DPP6: variants seen among roughly 807,000 people sequenced by gnomAD.
DPP6 encodes A-type potassium channel modulatory protein DPP6.
A neutral mutation model predicts 122.6 loss-of-function variants in DPP6; 69 were observed. The ratio of observed to expected loss-of-function variants is 0.56; its 90% CI spans 0.46 to 0.69. The LOEUF is 0.69. Among genes scored for constraint, DPP6 ranks in the 30% least tolerant of loss-of-function variants. DPP6 has a pLI of 0.00. For synonymous variants in DPP6, 418 were observed against 433.1 expected (o/e 0.97, Z 0.43); for missense variants, 928 against 1,116.9 (o/e 0.83, Z 2.41).
chr7:154,421,642 T>A (rs1817481620), intron 1 of DPP6, among the ~76,000 whole-genome samples: 1 of 103,064 alleles, frequency 9.7e-6, no homozygotes, highest in Admixed American at 1.1e-4. Flanking sequence ...TCAGTTTCTA[T>A]GCCTTAGAAA....
chr7:154,346,153 AT>A (rs1186414056), intron 1 of DPP6, among the ~76,000 whole-genome samples: 1 of 152,128 alleles, frequency 6.6e-6, no homozygotes, highest in African/African-American at 2.4e-5. Flanking sequence ...TGGTGAAATT[AT>A]TTGCGAGTAT....
chr7:154,625,128 T>G (rs1397224786), intron 5 of DPP6, among the ~76,000 whole-genome samples: 1 of 152,186 alleles, frequency 6.6e-6, no homozygotes, highest in African/African-American at 2.4e-5. Flanking sequence ...CATCCGTGAA[T>G]AATCTGACAG....
At chr7:154,528,743 G>A (rs1827611043) in intron 3 of DPP6, among the ~76,000 whole-genome samples, 1 of 152,244 alleles carries the variant, frequency 6.6e-6, no homozygotes, top group Non-Finnish European at 1.5e-5. Context: ...AGTATGGACT[G>A]AAAGCAGAGA....
intron 2 of DPP6, among the ~76,000 whole-genome samples, chr7:154,456,616 G>GTTTTCTTT (rs1287373805): frequency 3.9e-5 from 6 of 152,062 alleles, no homozygotes; most frequent in African/African-American, 1.2e-4. Context: ...TCCTGTTAAT[G>GTTTTCTTT]TTTTCTTTTA....
chr7:154,573,652 A>G (rs1831272246), intron 5 of DPP6, among the ~76,000 whole-genome samples: 1 of 152,258 alleles, frequency 6.6e-6, no homozygotes, highest in Non-Finnish European at 1.5e-5. Context: ...CTTAGCCGAT[A>G]TAAGGCCAAC....
intron 7 of DPP6, among the ~76,000 whole-genome samples, chr7:154,721,969 A>G (rs372713344): frequency 1.3e-5 from 2 of 151,422 alleles, no homozygotes; most frequent in African/African-American, 4.9e-5. Flanking sequence ...GTTCAAGACC[A>G]GCCTAGGCAA....
chr7:154,679,641 A>C (rs1395169000), intron 7 of DPP6, among the ~76,000 whole-genome samples: 5 of 152,232 alleles, frequency 3.3e-5, no homozygotes, highest in African/African-American at 4.8e-5. Context: ...TTCCAGCAAG[A>C]GGAGAGTCTT....
the DPP6 span, among the ~76,000 whole-genome samples, chr7:153,831,093 CAATT>C: frequency 6.6e-6 from 1 of 152,094 alleles, no homozygotes; most frequent in African/African-American, 2.4e-5. Context: ...TATGAATTTG[CAATT>C]AATTTTACCG....
chr7:153,991,583 T>C (rs1427598184), intron 1 of DPP6, among the ~76,000 whole-genome samples: 6 of 152,328 alleles, frequency 3.9e-5, no homozygotes, highest in South Asian at 4.1e-4. Flanking sequence ...TGCATTTGCT[T>C]AAATCCAGTG....
intron 2 of DPP6, among the ~76,000 whole-genome samples, chr7:154,455,530 A>C (rs1346027487): frequency 6.6e-6 from 1 of 152,220 alleles, no homozygotes. Flanking sequence ...ACAGATTCTC[A>C]TAGAAGAAAT....
the DPP6 span, among the ~76,000 whole-genome samples, chr7:153,813,494 A>G: frequency 6.6e-6 from 1 of 152,118 alleles, no homozygotes; most frequent in Non-Finnish European, 1.5e-5. Flanking sequence ...ATACGTGTGC[A>G]TGTGTCTTTA....
chr7:154,508,259 C>T (rs1825808675), intron 3 of DPP6, among the ~76,000 whole-genome samples: 2 of 152,130 alleles, frequency 1.3e-5, no homozygotes, highest in African/African-American at 4.8e-5. Flanking sequence ...TTCTCCATCT[C>T]TGCCCAGACA....
upstream of DPP6, among the ~76,000 whole-genome samples, chr7:154,051,228 C>T (rs1359686733): frequency 8.3e-6 from 1 of 120,442 alleles, no homozygotes; most frequent in Non-Finnish European, 1.8e-5. Context: ...TGGAAGGAGG[C>T]GGCGGAATGG....
rs963147537 is a variant in DPP6, at chr7:154,143,386, T to A, written c.243+90323T>A. 2.8e-3 allele frequency among the ~76,000 whole-genome samples: 432 copies of A among 151,642 alleles called. 2 individuals carry two copies. The highest frequency in any genetic ancestry group is 3.5e-3 in the Non-Finnish European group (239 of 67,790). ...TTGAAAGTCTTTGAGTGAATATAAC[T>A]GGGGGATGTAACCTTAACTTTCAGA... On this transcript the variant is annotated intron_variant, in intron 1 of 25. Coordinates refer to ENST00000377770, the MANE Select transcript of DPP6 (RefSeq NM_130797.4).
chr7:154,759,961 A>G (rs1319395418), intron 8 of DPP6, among the ~76,000 whole-genome samples: 1 of 152,168 alleles, frequency 6.6e-6, no homozygotes, highest in African/African-American at 2.4e-5. Flanking sequence ...ATCTCTACTA[A>G]AAATATAAAA....
chr7:154,468,678 AT>A (rs1821999734), intron 2 of DPP6, among the ~76,000 whole-genome samples: 1 of 152,214 alleles, frequency 6.6e-6, no homozygotes, highest in South Asian at 2.1e-4. Flanking sequence ...CCTTTGATGT[AT>A]TTGATTTAGA....
chr7:154,229,486 G>GT (rs1186008412), intron 1 of DPP6, among the ~76,000 whole-genome samples: 2 of 152,098 alleles, frequency 1.3e-5, no homozygotes, highest in Admixed American at 6.5e-5. Flanking sequence ...GTTGGCTTTT[G>GT]TTTTTGCTGT....
intron 6 of DPP6, among the ~76,000 whole-genome samples, chr7:154,662,907 G>A (rs878951188): frequency 1.3e-4 from 8 of 61,330 alleles, no homozygotes; most frequent in African/African-American, 3.3e-4. Flanking sequence ...TGGCATATTC[G>A]CCGTAGTGTT....
chr7:154,809,028 G>A (rs1033430743), intron 16 of DPP6, among the ~76,000 whole-genome samples: 2 of 152,200 alleles, frequency 1.3e-5, no homozygotes, highest in African/African-American at 2.4e-5. Flanking sequence ...TGGGATCTGA[G>A]GTCTGCACTG....
Sources: allele counts gnomAD v4.1 joint callset (sites outside exome capture counted in the v4.1 genomes callset), GRCh38; gene constraint gnomAD v4.1.1; transcripts MANE v1.5; gene names NCBI Gene and HGNC (gene_info 2026-07-23, HGNC 2026-07-21).